The following TSNAX variants were observed in gnomAD, a reference collection of about 807,000 sequenced individuals.
TSNAX encodes translin associated factor X.
In TSNAX, 12 loss-of-function variants were observed where a neutral mutation model predicts 33.0. That is an observed-to-expected ratio of 0.36 (90% CI 0.23 to 0.59). The LOEUF (loss-of-function observed/expected upper bound fraction) is 0.59, where lower values mean the gene tolerates loss of function less well. TSNAX is among the 20% of genes least tolerant of loss of function. The pLI is 0.74. For missense variants in TSNAX, 267 were observed against 341.3 expected, an observed-to-expected ratio of 0.78 and a Z score of 1.72; for synonymous variants, 110 against 117.2, an observed-to-expected ratio of 0.94 and a Z score of 0.40.
intron 5 of TSNAX, chr1:231,563,514 C>T (rs1159557939): frequency 1.3e-5 from 2 of 155,030 alleles, no homozygotes; most frequent in Non-Finnish European, 2.9e-5. Flanking sequence ...CAAGGGCATA[C>T]ACCTTATGAA....
intron 3 of TSNAX, among the ~76,000 whole-genome samples, chr1:231,538,610 T>C (rs1419542767): frequency 6.6e-6 from 1 of 152,224 alleles, no homozygotes; most frequent in Non-Finnish European, 1.5e-5. Flanking sequence ...TCCAGATGTC[T>C]CCAGAAGGGT....
At position 231,556,985 on chromosome 1, in the gene TSNAX, A is replaced by G. The variant is rs1028504037; in HGVS notation, c.368-4143A>G. 1.0e-4 allele frequency among the ~76,000 whole-genome samples: 5 copies of G among 48,996 alleles called. No individual in the cohort carries two copies. The African/African-American group carries it at 1.2e-3, about 11-fold the overall frequency. The allele number at this position is 48,996 out of a possible 152,430, so 32.1% of individuals were successfully genotyped here. On this transcript the variant is annotated intron_variant, in intron 4 of 5. Coordinates refer to ENST00000366639, the MANE Select transcript of TSNAX (RefSeq NM_005999.3). ...TTTAAACTGGGGAATGATGTCGTTA[A>G]CATATTAAAAAGGCAGACAGTCTGC...
chr1:231,539,254 G>A (rs1659397691), intron 3 of TSNAX, among the ~76,000 whole-genome samples: 1 of 151,970 alleles, frequency 6.6e-6, no homozygotes, highest in South Asian at 2.1e-4. Flanking sequence ...TCAGTATTCA[G>A]CAGTAATATA....
chr1:231,548,031 A>G (rs940555353), intron 4 of TSNAX, among the ~76,000 whole-genome samples: 21 of 151,400 alleles, frequency 1.4e-4, no homozygotes, highest in African/African-American at 4.6e-4. Context: ...TAGTAGAGAC[A>G]GGGTTTCACC....
chr1:231,552,848 A>G (rs1374701405), intron 4 of TSNAX, among the ~76,000 whole-genome samples: 1 of 152,198 alleles, frequency 6.6e-6, no homozygotes, highest in Non-Finnish European at 1.5e-5. Flanking sequence ...GAATCAAACC[A>G]TGTATGGCCT....
rs182763809 is a variant in TSNAX at position 231,540,952 on chromosome 1, C to T, written c.237-1529C>T. ...CTGTTTCGTTTGATTGTTATTAGAA[C>T]GTATATCTTTTCATCCTTTTATTTT... On this transcript the variant is annotated intron_variant, in intron 3 of 5. Coordinates refer to ENST00000366639, the MANE Select transcript of TSNAX (RefSeq NM_005999.3). Among the ~76,000 whole-genome samples the T allele has an allele frequency of 7.0e-4, 106 of 152,248 alleles. 2 individuals carry two copies. Among genetic ancestry groups the T allele is most frequent in the East Asian group, 6.7e-3 (35 of 5,188 alleles).
intron 2 of TSNAX, among the ~76,000 whole-genome samples, chr1:231,530,706 G>T (rs1451172461): frequency 7.4e-6 from 1 of 134,798 alleles, no homozygotes; most frequent in Non-Finnish European, 1.5e-5. Flanking sequence ...GCGAGGCTCC[G>T]TCTCAAAAAA....
intron 5 of TSNAX, 42 bp downstream of exon 5, chr1:231,561,297 T>C: frequency 2.2e-6 from 3 of 1,386,938 alleles, no homozygotes; most frequent in Non-Finnish European, 3.0e-6. Flanking sequence ...ATATAATTTA[T>C]GTAACAGTAT....
intron 2 of TSNAX, chr1:231,536,401 A>G (rs551743775): frequency 6.6e-6 from 1 of 152,358 alleles, no homozygotes; most frequent in African/African-American, 2.4e-5. Context: ...TAAATGTGAT[A>G]TAATTTGGTA....
intron 3 of TSNAX, among the ~76,000 whole-genome samples, chr1:231,539,007 AT>A (rs564036282): frequency 6.6e-6 from 1 of 151,936 alleles, no homozygotes; most frequent in Non-Finnish European, 1.5e-5. Flanking sequence ...TCACATTTTA[AT>A]TTTTACTTCA....
At chr1:231,534,416 G>A (rs965692604) in intron 2 of TSNAX, 6 of 152,120 alleles carry the variant, frequency 3.9e-5, no homozygotes, top group African/African-American at 9.7e-5. Context: ...TTGTAGTTCC[G>A]GTACAGTAAG....
chr1:231,550,375 T>G (rs1047189241), intron 4 of TSNAX, among the ~76,000 whole-genome samples: 4 of 152,142 alleles, frequency 2.6e-5, no homozygotes, highest in Admixed American at 2.6e-4. Flanking sequence ...ACTTCTTTTG[T>G]AAACCCCCAA....
intron 1 of TSNAX, 60 bp from the exon 2 acceptor site, chr1:231,529,195 T>C: frequency 6.4e-7 from 1 of 1,555,844 alleles, no homozygotes; most frequent in Non-Finnish European, 8.8e-7. Flanking sequence ...TTTGTCTATG[T>C]TGTGTTTTGC....
At chr1:231,540,958 T>C (rs1165341348) in intron 3 of TSNAX, among the ~76,000 whole-genome samples, 1 of 152,236 alleles carries the variant, frequency 6.6e-6, no homozygotes, top group East Asian at 1.9e-4. Flanking sequence ...AGAACGTATA[T>C]CTTTTCATCC....
intron 3 of TSNAX, among the ~76,000 whole-genome samples, chr1:231,539,816 A>T (rs557025409): frequency 4.7e-4 from 71 of 152,308 alleles, no homozygotes; most frequent in African/African-American, 1.6e-3. Context: ...AAAATAATAG[A>T]CTTCAGAAAA....
intron 2 of TSNAX, among the ~76,000 whole-genome samples, chr1:231,532,051 A>C (rs563295265): frequency 4.0e-5 from 6 of 150,852 alleles, no homozygotes; most frequent in African/African-American, 1.5e-4. Context: ...CAGGCTGGGC[A>C]ACAGAGACCC....
At position 231,529,285 on chromosome 1, in the gene TSNAX, A is replaced by G. The variant is rs1000997476; in HGVS notation, c.47A>G (p.Asp16Gly). 7 of 1,614,082 alleles carry G rather than the reference A, an allele frequency of 4.3e-6. No individual in the cohort carries two copies. The highest frequency in any genetic ancestry group is 5.9e-6 in the Non-Finnish European group (7 of 1,180,052). ...GSGGFRKRKH[D>G]NFPHNQRREG... ...GGAGGGTTCAGGAAAAGGAAGCATG[A>G]CAATTTCCCACATAACCAAAGAAGA... Residue 16 changes from aspartate (D) to glycine (G), a missense_variant, in exon 2 of 6, where the codon GAC (aspartate) becomes GGC (glycine). Around this residue, in one of 2 missense-constraint regions of TSNAX, gnomAD observed 200 missense variants for 214.1 expected, o/e 0.93. Transcript: ENST00000366639.
chr1:231,541,993 G>A (rs1320702994), intron 3 of TSNAX, among the ~76,000 whole-genome samples: 1 of 152,078 alleles, frequency 6.6e-6, no homozygotes, highest in Admixed American at 6.6e-5. Context: ...TGACTCCCAG[G>A]CTCCACCTAA....
intron 5 of TSNAX, among the ~76,000 whole-genome samples, chr1:231,561,867 A>G (rs571252247): frequency 6.6e-6 from 1 of 152,330 alleles, no homozygotes; most frequent in South Asian, 2.1e-4. Flanking sequence ...TATACATTAT[A>G]TACAGCACCT....
Sources: allele counts gnomAD v4.1 joint callset (sites outside exome capture counted in the v4.1 genomes callset), GRCh38; gene constraint gnomAD v4.1.1; regional missense constraint gnomAD v4.1.1; transcripts MANE v1.5; gene names NCBI Gene and HGNC (gene_info 2026-07-23, HGNC 2026-07-21).